The following TACR3 variants were observed in gnomAD, a reference collection of about 807,000 sequenced individuals.
TACR3 encodes the protein neuromedin-K receptor.
A neutral mutation model predicts 35.0 loss-of-function variants in TACR3; 34 were observed. The ratio of observed to expected loss-of-function variants is 0.97; its 90% confidence interval spans 0.74 to 1.30. The LOEUF (loss-of-function observed/expected upper bound fraction) is 1.30. Among genes scored for constraint, TACR3 ranks in the 50% most tolerant of loss-of-function variants. The pLI, the probability that TACR3 is intolerant of heterozygous loss-of-function variation, is 0.00. For synonymous variants in TACR3, 233 were observed against 221.1 expected, an observed-to-expected ratio of 1.05 and a Z score of -0.48; for missense variants, 558 against 591.7, an observed-to-expected ratio of 0.94 and a Z score of 0.59.
At chr4:103,631,395 C>G (rs968119547) in intron 3 of TACR3, among the ~76,000 whole-genome samples, 1 of 151,868 alleles carries the variant, frequency 6.6e-6, no homozygotes, top group Non-Finnish European at 1.5e-5. Context: ...TTACTGCATA[C>G]TATATCAATA....
intron 3 of TACR3, among the ~76,000 whole-genome samples, chr4:103,613,601 A>G (rs963918547): frequency 6.6e-6 from 1 of 151,966 alleles, no homozygotes; most frequent in African/African-American, 2.4e-5. Context: ...TGCTGGGATT[A>G]TAGGCATGAG....
intron 1 of TACR3, among the ~76,000 whole-genome samples, chr4:103,697,584 C>A (rs1722551104): frequency 6.6e-6 from 1 of 151,894 alleles, no homozygotes; most frequent in Non-Finnish European, 1.5e-5. Flanking sequence ...GCCACCACGC[C>A]CGGCTAATTT....
At chr4:103,686,834 C>T (rs1008826229) in intron 1 of TACR3, among the ~76,000 whole-genome samples, 2 of 152,060 alleles carry the variant, frequency 1.3e-5, no homozygotes, top group Admixed American at 6.6e-5. Flanking sequence ...GGAACTGGTA[C>T]CATTCCTTCT....
intron 1 of TACR3, among the ~76,000 whole-genome samples, chr4:103,689,283 G>C (rs1489300459): frequency 6.6e-6 from 1 of 150,872 alleles, no homozygotes; most frequent in Non-Finnish European, 1.5e-5. Context: ...ATAGCATTGG[G>C]AGATATACCT....
At chr4:103,645,950 T>G (rs1344806889) in intron 3 of TACR3, among the ~76,000 whole-genome samples, 1 of 152,016 alleles carries the variant, frequency 6.6e-6, no homozygotes, top group Non-Finnish European at 1.5e-5. Flanking sequence ...CTGTTCTTTC[T>G]AGTTAGCTGT....
chr4:103,591,350 G>A (rs1224517846), intron 4 of TACR3, 137 bp downstream of exon 4: 1 of 953,306 alleles, frequency 1.0e-6, no homozygotes, highest in African/African-American at 1.6e-5. Flanking sequence ...GATAAAGCCT[G>A]TGCCTCTCTC....
intron 1 of TACR3, among the ~76,000 whole-genome samples, chr4:103,688,568 C>T (rs1252650242): frequency 1.3e-5 from 2 of 149,674 alleles, no homozygotes; most frequent in Non-Finnish European, 3.0e-5. Context: ...AACAAACAAC[C>T]CCATCAAAAA....
chr4:103,662,392 T>C (rs902302668), intron 1 of TACR3, among the ~76,000 whole-genome samples: 1 of 152,058 alleles, frequency 6.6e-6, no homozygotes, highest in African/African-American at 2.4e-5. Context: ...GGCTAATTTT[T>C]GTATTTTTAG....
intron 3 of TACR3, among the ~76,000 whole-genome samples, chr4:103,609,561 G>A (rs983116677): frequency 2.6e-5 from 4 of 152,016 alleles, no homozygotes; most frequent in Admixed American, 1.3e-4. Flanking sequence ...TCAAATCAGG[G>A]TAAACAGAAT....
chr4:103,657,348 A>T (rs903822262), intron 2 of TACR3, among the ~76,000 whole-genome samples: 3 of 152,184 alleles, frequency 2.0e-5, no homozygotes, highest in South Asian at 2.1e-4. Context: ...TAATTTGAAG[A>T]TGATAACATT....
chr4:103,676,055 G>T (rs927350117), intron 1 of TACR3, among the ~76,000 whole-genome samples: 1 of 152,072 alleles, frequency 6.6e-6, no homozygotes, highest in African/African-American at 2.4e-5. Flanking sequence ...CACACTCAGT[G>T]CTTCAAAGAT....
At chr4:103,698,214 C>CTT (rs1722567117) in intron 1 of TACR3, among the ~76,000 whole-genome samples, 1 of 150,328 alleles carries the variant, frequency 6.7e-6, no homozygotes, top group Non-Finnish European at 1.5e-5. Flanking sequence ...GAAAAAAAAA[C>CTT]TTTTACATAT....
chr4:103,698,009 A>G (rs1457003391), intron 1 of TACR3, among the ~76,000 whole-genome samples: 1 of 152,208 alleles, frequency 6.6e-6, no homozygotes, highest in Non-Finnish European at 1.5e-5. Context: ...TTATTTTAAA[A>G]GATAATATTG....
chr4:103,691,011 C>T (rs1722390948), intron 1 of TACR3, among the ~76,000 whole-genome samples: 1 of 152,152 alleles, frequency 6.6e-6, no homozygotes, highest in South Asian at 2.1e-4. Context: ...GGAACAAGCG[C>T]AACTCTCACA....
In TACR3 at chr4:103,719,241, G is replaced by C. The variant is rs199586035; in HGVS notation, c.435C>G (p.Tyr145Ter). ...CAAAGTACCACTCGCTATGAAGCGC[G>C]TAGATGAAATTGACCAACGTGTTGA... ...AAFNTLVNFIYALHSEWYFGA... is the reference protein window; with the variant it reads ...AAFNTLVNFI Residue 145 changes from tyrosine to a stop codon, truncating the protein, a stop_gained, in exon 1 of 5, where the codon TAC (tyrosine) becomes TAG (stop). Coordinates refer to ENST00000304883, the MANE Select transcript of TACR3 (RefSeq NM_001059.3). LOFTEE classifies it high-confidence loss of function. 2 of 1,614,108 alleles carry C rather than the reference G, an allele frequency of 1.2e-6. No homozygotes were observed. The highest frequency in any genetic ancestry group is 1.3e-5 in the African/African-American group (1 of 74,940).
chr4:103,699,879 C>A (rs28592258), intron 1 of TACR3, among the ~76,000 whole-genome samples: 51,520 of 151,712 alleles, frequency 0.34, 13,753 homozygotes, highest in African/African-American at 0.74. Flanking sequence ...ACTCAGATGG[C>A]GATGTTGAGG....
At chr4:103,620,028 T>G (rs1560809630) in intron 3 of TACR3, among the ~76,000 whole-genome samples, 1 of 151,840 alleles carries the variant, frequency 6.6e-6, no homozygotes, top group Non-Finnish European at 1.5e-5. Flanking sequence ...ATCTGGAATC[T>G]ATAGGGAACT....
chr4:103,658,396 C>G lies in TACR3; in HGVS notation c.556G>C (p.Ala186Pro). The G allele has an allele frequency of 6.2e-7, 1 of 1,613,156 alleles. No homozygotes were observed. The highest frequency in any genetic ancestry group is 8.5e-7 in the Non-Finnish European group (1 of 1,179,432). The change falls in exon 2 of 5, where the codon GCT (alanine) becomes CCT (proline). Residue 186 changes from alanine (A) to proline (P), a missense_variant. Physicochemically the swap from Ala to Pro is conservative, Grantham distance 27 (BLOSUM62 -1). Transcript: ENST00000304883. ...MTAIAVDRYMAIIDPLKPRLS... is the reference protein window; with the variant it reads ...MTAIAVDRYMPIIDPLKPRLS... ...CTGGGTTTCAAGGGATCAATAATAG[C>G]CATATACCTATATAAAAACAAACAA... is the stretch of plus-strand genomic sequence containing the variant.
intron 1 of TACR3, among the ~76,000 whole-genome samples, chr4:103,694,219 A>AGT (rs1490312342): frequency 5.4e-5 from 8 of 148,184 alleles, no homozygotes; most frequent in African/African-American, 2.1e-4. Flanking sequence ...TCCTTACACT[A>AGT]TGCACATTTA....
Sources: allele counts gnomAD v4.1 joint callset (sites outside exome capture counted in the v4.1 genomes callset), GRCh38; gene constraint gnomAD v4.1.1; transcripts MANE v1.5; gene names NCBI Gene and HGNC (gene_info 2026-07-23, HGNC 2026-07-21).